The following MYH7B variants were observed in gnomAD, a reference collection of about 807,000 sequenced individuals.
MYH7B encodes the protein myosin heavy chain 7B.
MYH7B carries 205 observed loss-of-function variants against 234.5 expected under a neutral mutation model. That is an observed-to-expected ratio of 0.87 (90% confidence interval 0.78 to 0.98). The LOEUF is 0.98. Among genes scored for constraint, MYH7B ranks in the 50% least tolerant of loss-of-function variants. MYH7B has a pLI of 0.00. For missense variants in MYH7B, 2,652 were observed against 2,633.4 expected (o/e 1.01, Z -0.15); for synonymous variants, 1,193 against 1,105.0 (o/e 1.08, Z -1.58).
chr20:34,996,972 G>A, intron 30 of MYH7B, 111 bp from the exon 31 acceptor site: 1 of 1,103,368 alleles, frequency 9.1e-7, no homozygotes, highest in South Asian at 1.5e-5. Flanking sequence ...TGCAGCAGGT[G>A]CATGGGGTGA....
chr20:34,963,922 A>G (rs1044730390), intron 2 of MYH7B, among the ~76,000 whole-genome samples: 1 of 152,106 alleles, frequency 6.6e-6, no homozygotes, highest in Non-Finnish European at 1.5e-5. Flanking sequence ...TCCATGTTTT[A>G]AGGGGAAATA....
At position 35,000,331 on chromosome 20, in the gene MYH7B, CCCTGGATGCAGAGACACGGG is replaced by C. The variant is rs2082345152; in HGVS notation, c.4823_4842del (p.Leu1608ProfsTer3). 1 of 1,595,384 alleles carries C rather than the reference CCCTGGATGCAGAGACACGGG, an allele frequency of 6.3e-7. No homozygotes were observed. Among genetic ancestry groups the C allele is most frequent in the Non-Finnish European group, 8.5e-7 (1 of 1,178,244 alleles). On this transcript the variant is annotated frameshift_variant, in exon 39 of 45. Coordinates refer to ENST00000262873, the Ensembl canonical transcript of MYH7B. LOFTEE classifies it high-confidence loss of function. ...CGAGCTGTGGAGTCCCTGCAGGCCT[CCCTGGATGCAGAGACACGGG>C]CCCGCAATGAGGCGCTGCGGCTCAA... is the stretch of plus-strand genomic sequence containing the variant.
chr20:34,999,162 G>A, exon 36 of MYH7B: 5 of 1,613,768 alleles, frequency 3.1e-6, no homozygotes, highest in Non-Finnish European at 4.2e-6. Flanking sequence ...GACAGAGTCA[G>A]AGGATGTAAC....
At chr20:34,985,837 A>G (rs921338712) in intron 13 of MYH7B, among the ~76,000 whole-genome samples, 2 of 152,126 alleles carry the variant, frequency 1.3e-5, no homozygotes, top group Non-Finnish European at 2.9e-5. Context: ...AAAAACCTGC[A>G]CACGCAGACA....
chr20:35,001,029 A>T (rs2082366574), exon 41 of MYH7B: 1 of 1,613,684 alleles, frequency 6.2e-7, no homozygotes, highest in South Asian at 1.1e-5. Context: ...AGCAGGACAC[A>T]AGTGCACACC....
chr20:34,997,254 C>T (rs770474351), exon 32 of MYH7B: 13 of 1,557,658 alleles, frequency 8.3e-6, no homozygotes, highest in East Asian at 2.4e-5. Flanking sequence ...ACCCCAGGCT[C>T]GGGCGGAGGA....
exon 19 of MYH7B, chr20:34,988,116 A>G (rs768373473): frequency 7.4e-6 from 12 of 1,613,860 alleles, no homozygotes; most frequent in East Asian, 2.2e-5. Context: ...ACAGCTGTGC[A>G]TCAACTTCAC....
intron 2 of MYH7B, among the ~76,000 whole-genome samples, chr20:34,966,698 CAG>C (rs1472420023): frequency 1.3e-5 from 2 of 152,036 alleles, no homozygotes; most frequent in Non-Finnish European, 2.9e-5. Flanking sequence ...GTCAATAGTA[CAG>C]AGTTACTGTA....
chr20:35,001,105 G>C (rs761790441), exon 41 of MYH7B: 12 of 1,613,778 alleles, frequency 7.4e-6, no homozygotes, highest in African/African-American at 1.3e-5. Context: ...TGAGGAGGCA[G>C]AACAGGCCGC....
intron 3 of MYH7B, among the ~76,000 whole-genome samples, chr20:34,976,041 T>C (rs571455657): frequency 5.3e-5 from 8 of 152,338 alleles, no homozygotes; most frequent in South Asian, 2.1e-4. Flanking sequence ...AATGTGTTCA[T>C]GTAATATGCA....
Position 35,000,281 on chromosome 20 carries a change from C to G in MYH7B, c.4782-12C>G. The G allele has an allele frequency of 1.3e-6, 2 of 1,556,728 alleles. No homozygotes were observed. Among genetic ancestry groups the G allele is most frequent in the Non-Finnish European group, 1.7e-6 (2 of 1,158,804 alleles). On this transcript the variant is annotated splice_polypyrimidine_tract_variant and intron_variant, in intron 38 of 44. Coordinates refer to ENST00000262873, the Ensembl canonical transcript of MYH7B. ...TTACGAGACCCCCTTTCATGCCACC[C>G]TCCTCCCATAGGCGCAACCACCAGC...
At chr20:34,990,331 C>A (rs1448558961) in intron 22 of MYH7B, 21 bp downstream of exon 22, 1 of 1,613,626 alleles carries the variant, frequency 6.2e-7, no homozygotes, top group Non-Finnish European at 8.5e-7. Context: ...ATCTGGGAGA[C>A]AGACCCTCCC....
chr20:34,956,707 G>T (rs2081639188), intron 1 of MYH7B, among the ~76,000 whole-genome samples: 1 of 152,176 alleles, frequency 6.6e-6, no homozygotes, highest in African/African-American at 2.4e-5. Context: ...AAGGAGGTAG[G>T]GGTAGAGGTG....
intron 2 of MYH7B, among the ~76,000 whole-genome samples, chr20:34,963,253 T>C (rs2081714625): frequency 6.6e-6 from 1 of 152,248 alleles, no homozygotes; most frequent in African/African-American, 2.4e-5. Context: ...GTGGAACCCA[T>C]GGATATGGAG....
chr20:34,990,654 C>G (rs2082129025), intron 22 of MYH7B, 84 bp from the exon 23 acceptor site: 1 of 1,297,910 alleles, frequency 7.7e-7, no homozygotes, highest in Non-Finnish European at 1.1e-6. Context: ...GGGCCCTGCT[C>G]CCGTCTCGGT....
At chr20:34,991,605 C>T (rs1022946208) in intron 24 of MYH7B, among the ~76,000 whole-genome samples, 1 of 152,060 alleles carries the variant, frequency 6.6e-6, no homozygotes, top group Admixed American at 6.5e-5. Flanking sequence ...CTCAGGGCAG[C>T]GGGCAGAAAG....
At chr20:34,977,987 T>C (rs372934096) in exon 5 of MYH7B, 22 of 1,614,070 alleles carry the variant, frequency 1.4e-5, no homozygotes, top group Non-Finnish European at 1.4e-5. Context: ...TCCTCCTCCT[T>C]CACCCCAGTG....
At chr20:34,966,971 C>A (rs1307541718) in intron 2 of MYH7B, among the ~76,000 whole-genome samples, 1 of 151,912 alleles carries the variant, frequency 6.6e-6, no homozygotes, top group Non-Finnish European at 1.5e-5. Context: ...TGGCTCACAC[C>A]TGTAATCCCA....
rs1298667118 is a variant in MYH7B, at chr20:34,986,094, C to T, written c.806-6C>T. The T allele has an allele frequency of 1.3e-6, 2 of 1,573,726 alleles. No homozygotes were observed. The highest frequency in any genetic ancestry group is 2.7e-5 in the African/African-American group (2 of 74,176). On this transcript the variant is annotated splice_region_variant and splice_polypyrimidine_tract_variant and intron_variant, in intron 13 of 44. Transcript: ENST00000262873. The stretch of plus-strand genomic sequence containing the variant: ...GAGATGGCAGGCCAGCGTCCCTTCT[C>T]CCCAGATCTCCTGGAGAAGTCGCGG...
Sources: gnomAD v4.1 joint callset for allele counts (sites outside exome capture counted in the v4.1 genomes callset) on GRCh38, gnomAD v4.1.1 for gene constraint, MANE v1.5 for transcripts, NCBI Gene and HGNC (gene_info 2026-07-23, HGNC 2026-07-21) for gene names.